The following FARP1 variants were observed in gnomAD, a reference collection of about 807,000 sequenced individuals.
FARP1 encodes FERM, ARHGEF and pleckstrin domain-containing protein 1.
Under a neutral mutation model 128.8 loss-of-function variants are expected in FARP1, and 52 were observed. The observed-to-expected ratio is 0.40, with a 90% CI of 0.32 to 0.51. The LOEUF (loss-of-function observed/expected upper bound fraction) is 0.51. FARP1 is among the 20% of genes least tolerant of loss of function. The pLI is 0.45. For synonymous variants in FARP1, 580 were observed against 551.8 expected (o/e 1.05, Z -0.72); for missense variants, 1,333 against 1,367.9 (o/e 0.97, Z 0.40).
intron 3 of FARP1, among the ~76,000 whole-genome samples, chr13:98,346,071 A>C (rs987603812): frequency 6.6e-6 from 1 of 152,158 alleles, no homozygotes; most frequent in Non-Finnish European, 1.5e-5. Context: ...AATGGGATTG[A>C]AGCTCGGATC....
intron 2 of FARP1, among the ~76,000 whole-genome samples, chr13:98,335,819 C>G (rs1373268686): frequency 6.6e-6 from 1 of 152,080 alleles, no homozygotes; most frequent in African/African-American, 2.4e-5. Context: ...GGATTTTGAA[C>G]AATATTCTGA....
intron 2 of FARP1, among the ~76,000 whole-genome samples, chr13:98,239,497 T>C (rs1274240781): frequency 2.0e-5 from 3 of 152,216 alleles, no homozygotes; most frequent in Non-Finnish European, 4.4e-5. Flanking sequence ...ATTTCTACAC[T>C]GTGGAATCAT....
intron 2 of FARP1, among the ~76,000 whole-genome samples, chr13:98,284,703 C>G (rs1334131584): frequency 6.6e-6 from 1 of 152,058 alleles, no homozygotes; most frequent in Non-Finnish European, 1.5e-5. Flanking sequence ...ATTATATTTG[C>G]AAGTGAAGTT....
At chr13:98,302,697 T>G (rs1366795834) in intron 2 of FARP1, among the ~76,000 whole-genome samples, 2 of 152,184 alleles carry the variant, frequency 1.3e-5, no homozygotes, top group Non-Finnish European at 2.9e-5. Context: ...AGCCATTAGT[T>G]CTCAGTTGTG....
intron 2 of FARP1, among the ~76,000 whole-genome samples, chr13:98,242,474 G>A (rs1234015649): frequency 1.3e-5 from 2 of 151,986 alleles, no homozygotes; most frequent in Admixed American, 6.6e-5. Flanking sequence ...CCAGGAGTTC[G>A]AGACCAGCCT....
chr13:98,303,037 A>G (rs1885987336), intron 2 of FARP1, among the ~76,000 whole-genome samples: 1 of 152,120 alleles, frequency 6.6e-6, no homozygotes, highest in African/African-American at 2.4e-5. Context: ...CTCTGTTTTG[A>G]TTGTAAAGGG....
At chr13:98,152,983 A>G (rs1175177231) in intron 1 of FARP1, among the ~76,000 whole-genome samples, 2 of 152,102 alleles carry the variant, frequency 1.3e-5, no homozygotes, top group African/African-American at 2.4e-5. Flanking sequence ...CAAGAAAAAA[A>G]TGATGGAAAT....
At chr13:98,227,469 A>G (rs1428143364) in intron 2 of FARP1, among the ~76,000 whole-genome samples, 1 of 151,376 alleles carries the variant, frequency 6.6e-6, no homozygotes, top group Non-Finnish European at 1.5e-5. Context: ...AAAAAAACAG[A>G]AAAAAACGAG....
At chr13:98,302,389 T>G (rs1175937859) in intron 2 of FARP1, among the ~76,000 whole-genome samples, 2 of 152,170 alleles carry the variant, frequency 1.3e-5, no homozygotes, top group Non-Finnish European at 2.9e-5. Flanking sequence ...ACACTCATCT[T>G]TTTTTTCACC....
In FARP1 at chr13:98,291,246, A is replaced by T. The variant is rs186462860; in HGVS notation, c.172-52516A>T. Among the ~76,000 whole-genome samples, 36 of 152,308 alleles carry T rather than the reference A, an allele frequency of 2.4e-4. No individual in the cohort carries two copies. The East Asian group carries it at 5.8e-3, about 24-fold the overall frequency. On this transcript the variant is annotated intron_variant, in intron 2 of 26. Transcript: ENST00000319562. ...GAGTCAAGGAAAATGTTATTAAGAA[A>T]ATCATAAGGAAGAGAGAATACATTT...
At chr13:98,404,722 T>C (rs2030947484) in intron 13 of FARP1, 1 of 152,178 alleles carries the variant, frequency 6.6e-6, no homozygotes, top group Non-Finnish European at 1.5e-5. Flanking sequence ...ACCCAGAAGA[T>C]TGCAAAATAA....
At chr13:98,250,697 G>T in intron 2 of FARP1, among the ~76,000 whole-genome samples, 1 of 151,358 alleles carries the variant, frequency 6.6e-6, no homozygotes, top group East Asian at 1.9e-4. Flanking sequence ...CTCTAGCCTG[G>T]GCGACAGAGC....
chr13:98,348,491 C>T (rs1285811584), intron 3 of FARP1, among the ~76,000 whole-genome samples: 21 of 152,250 alleles, frequency 1.4e-4, no homozygotes, highest in East Asian at 3.9e-4. Context: ...TCCCTCGAAA[C>T]GGACTTTGCA....
At chr13:98,295,991 G>A (rs1885668859) in intron 2 of FARP1, among the ~76,000 whole-genome samples, 1 of 152,152 alleles carries the variant, frequency 6.6e-6, no homozygotes, top group Non-Finnish European at 1.5e-5. Flanking sequence ...CTAGCCCAGG[G>A]CTTGTCCAGG....
intron 2 of FARP1, among the ~76,000 whole-genome samples, chr13:98,267,404 G>C (rs1006541457): frequency 1.3e-5 from 2 of 152,288 alleles, no homozygotes; most frequent in Middle Eastern, 3.4e-3. Context: ...GCTTTCTGTA[G>C]CCTGTCCAGA....
rs1254284786 is a variant in FARP1 at position 98,377,801 on chromosome 13, A to G, written c.399-20A>G. 12 of 1,603,220 alleles carry G rather than the reference A, an allele frequency of 7.5e-6. No homozygotes were observed. Among genetic ancestry groups the G allele is most frequent in the Middle Eastern group, 1.7e-4 (1 of 6,054 alleles). On this transcript the variant is annotated intron_variant, in intron 5 of 26. Coordinates refer to ENST00000319562, the MANE Select transcript of FARP1 (RefSeq NM_005766.4). The stretch of plus-strand genomic sequence containing the variant: ...CTCCTGCCCTCTTTGCCTGACGCCC[A>G]GCTCTGTTGATCTTCGCAGGTACCT...
intron 16 of FARP1, among the ~76,000 whole-genome samples, chr13:98,419,838 C>T (rs375051713): frequency 5.3e-5 from 8 of 152,096 alleles, no homozygotes; most frequent in South Asian, 4.2e-4. Flanking sequence ...CAAGCTGCAC[C>T]GCTGGCATGT....
chr13:98,206,248 G>C (rs1880260570), intron 1 of FARP1, among the ~76,000 whole-genome samples: 1 of 149,900 alleles, frequency 6.7e-6, no homozygotes, highest in South Asian at 2.1e-4. Flanking sequence ...TCCCTTATTT[G>C]CTGAAACTTT....
Position 98,176,303 on chromosome 13 carries a change from G to C in FARP1, c.-24+32811G>C. The stretch of plus-strand genomic sequence containing the variant: ...CCACCTTCTGCAGCCTGAAGCTTTT[G>C]CAGTTTCGCCATCAGTTCTTTGGCG... On this transcript the variant is annotated intron_variant, in intron 1 of 26. Coordinates refer to ENST00000319562, the MANE Select transcript of FARP1 (RefSeq NM_005766.4). This position sits in a 1 kb window ranked among gnomAD's most constrained non-coding sequence, Gnocchi z 6.2. 1 of 1,612,836 alleles carries C rather than the reference G, an allele frequency of 6.2e-7. No individual in the cohort carries two copies. The highest frequency in any genetic ancestry group is 2.2e-5 in the East Asian group (1 of 44,858).
Sources: allele counts gnomAD v4.1 joint callset (sites outside exome capture counted in the v4.1 genomes callset), GRCh38; gene constraint gnomAD v4.1.1; non-coding constraint Gnocchi (gnomAD v3.1); transcripts MANE v1.5; gene names NCBI Gene and HGNC (gene_info 2026-07-23, HGNC 2026-07-21).